The following SLC12A3 variants were observed in gnomAD, a reference collection of about 807,000 sequenced individuals.
The protein encoded by SLC12A3 is Na-Cl cotransporter.
A neutral mutation model predicts 121.0 loss-of-function variants in SLC12A3; 104 were observed. That is an observed-to-expected ratio of 0.86 (90% confidence interval 0.73 to 1.01). SLC12A3 has a LOEUF of 1.01. Among genes scored for constraint, SLC12A3 ranks in the 50% least tolerant of loss-of-function variants. The pLI, the probability that SLC12A3 is intolerant of heterozygous loss-of-function variation, is 0.00. For synonymous variants in SLC12A3, 536 were observed against 533.4 expected (o/e 1.00, Z -0.07); for missense variants, 1,328 against 1,356.3 (o/e 0.98, Z 0.33).
intron 25 of SLC12A3, chr16:56,906,451 C>G (rs1422576748): frequency 6.3e-6 from 1 of 158,448 alleles, no homozygotes; most frequent in African/African-American, 2.4e-5. Flanking sequence ...GAGACCTGAC[C>G]TGGAGGTTTC....
At position 56,865,231 on chromosome 16, in the gene SLC12A3, C is replaced by G; in HGVS notation, c.-5C>G. 3 of 1,613,362 alleles carry G rather than the reference C, an allele frequency of 1.9e-6. No homozygotes were observed. Among genetic ancestry groups the G allele is most frequent in the Non-Finnish European group, 2.5e-6 (3 of 1,179,934 alleles). On this transcript the variant is annotated 5_prime_UTR_variant, in exon 1 of 26. Coordinates refer to ENST00000563236, the MANE Select transcript of SLC12A3 (RefSeq NM_001126108.2). ...CCTGGCCCCTCCCTGGACACCCAGG[C>G]GACAATGGCAGAACTGCCCACAACA... is the stretch of plus-strand genomic sequence containing the variant.
At chr16:56,870,018 C>T (rs1171570511) in intron 4 of SLC12A3, 78 bp from the exon 5 acceptor site, 1 of 1,580,450 alleles carries the variant, frequency 6.3e-7, no homozygotes, top group African/African-American at 1.3e-5. Context: ...GCCACCCTCT[C>T]CTGGCCTCTG....
chr16:56,895,421 T>C (rs1313621003), intron 22 of SLC12A3, among the ~76,000 whole-genome samples: 2 of 150,942 alleles, frequency 1.3e-5, no homozygotes, highest in African/African-American at 2.4e-5. Flanking sequence ...CTCGAACTCC[T>C]GACCTCAAGT....
intron 20 of SLC12A3, 82 bp downstream of exon 20, chr16:56,892,215 G>A (rs1439404689): frequency 3.0e-6 from 4 of 1,334,120 alleles, no homozygotes; most frequent in Non-Finnish European, 4.3e-6. Context: ...GTGGCTAGGG[G>A]TGGGCCACTT....
intron 12 of SLC12A3, among the ~76,000 whole-genome samples, chr16:56,880,905 G>A (rs1292102035): frequency 1.3e-5 from 2 of 152,212 alleles, no homozygotes; most frequent in African/African-American, 4.8e-5. Flanking sequence ...TAACAGGTGT[G>A]TCTCAGATGG....
In SLC12A3 at chr16:56,880,278, G is replaced by A. The variant is rs1387017843; in HGVS notation, c.1567+25G>A. On this transcript the variant is annotated intron_variant, in intron 12 of 25. Coordinates refer to ENST00000563236, the MANE Select transcript of SLC12A3 (RefSeq NM_001126108.2). Reference sequence around the variant, plus strand: ...GGTAAGGCTCTGCCAGGGCTCACAGGGCCTGGCCTCCTGTTCCCCTGGCCG... The same window carrying A: ...GGTAAGGCTCTGCCAGGGCTCACAGAGCCTGGCCTCCTGTTCCCCTGGCCG... 4 of 1,563,494 alleles carry A rather than the reference G, an allele frequency of 2.6e-6. No homozygotes were observed. In the South Asian group the frequency reaches 4.7e-5, roughly 18 times the overall value.
At chr16:56,882,299 C>T (rs1168346772) in intron 12 of SLC12A3, 97 bp from the exon 13 acceptor site, 2 of 939,602 alleles carry the variant, frequency 2.1e-6, no homozygotes, top group Admixed American at 3.4e-5. Flanking sequence ...GCCTTGGTGG[C>T]CTGTCTGGGG....
chr16:56,908,161 C>CTTTTTTTT lies in SLC12A3; in HGVS notation c.2924+3711_2924+3718dup, dbSNP rs55644914. On this transcript the variant is annotated intron_variant, in intron 25 of 25. Coordinates refer to ENST00000563236, the MANE Select transcript of SLC12A3 (RefSeq NM_001126108.2). ...ATTCATTTCTCAGATAGTGATATAACTTTTTTTTTTTTTTTTTTTGAGGCA... is the reference window on the plus strand; with the variant it reads ...ATTCATTTCTCAGATAGTGATATAACTTTTTTTTTTTTTTTTTTTTTTTTTTTGAGGCA... Among the ~76,000 whole-genome samples the CTTTTTTTT allele has an allele frequency of 1.1e-3, 104 of 96,968 alleles. 5 individuals carry two copies. The highest frequency in any genetic ancestry group is 4.4e-3 in the African/African-American group (97 of 21,866). 63.6% of individuals were successfully genotyped at this position (96,968 alleles called of 152,430 possible). A position where few individuals can be genotyped will look rare whatever the true frequency, so the allele number is the denominator to read the frequency against.
intron 6 of SLC12A3, 132 bp from the exon 7 acceptor site, chr16:56,872,219 G>A: frequency 1.4e-6 from 1 of 701,548 alleles, no homozygotes. Context: ...AGATCCTGCT[G>A]CATAATGGGT....
At chr16:56,878,041 T>TCTCTCCCCCC in intron 8 of SLC12A3, 36 bp from the exon 9 acceptor site, 1 of 393,172 alleles carries the variant, frequency 2.5e-6, no homozygotes, top group South Asian at 2.1e-5. Context: ...CCTCTCTCCC[T>TCTCTCCCCCC]CCCTCCCTCC....
chr16:56,901,555 G>A (rs1451521716), intron 23 of SLC12A3, among the ~76,000 whole-genome samples: 1 of 152,096 alleles, frequency 6.6e-6, no homozygotes, highest in African/African-American at 2.4e-5. Flanking sequence ...GGCCAGGCTG[G>A]TCTCGAACTT....
In SLC12A3 at chr16:56,886,375, TG is replaced by T. The variant is rs1338849166; in HGVS notation, c.1939del (p.Val647CysfsTer25). The T allele has an allele frequency of 4.3e-6, 7 of 1,613,532 alleles. No homozygotes were observed. The highest frequency in any genetic ancestry group is 5.9e-6 in the Non-Finnish European group (7 of 1,179,628). ...CCTTCCCTCCTCAGCCCCCAGTGCC[TG>T]GTGCTCACGGGGCCCCCCAACTTCC... ...DHIKNYRPQC[L>X]VLTGPPNFRP... On this transcript the variant is annotated frameshift_variant, in exon 16 of 26. Transcript: ENST00000563236. LOFTEE classifies it high-confidence loss of function.
rs769798104 is a variant in SLC12A3 at position 56,913,298 on chromosome 16, A to AGCTC, written c.2963_2966dup (p.Tyr990AlafsTer50). On this transcript the variant is annotated frameshift_variant, in exon 26 of 26. Coordinates refer to ENST00000563236, the MANE Select transcript of SLC12A3 (RefSeq NM_001126108.2). LOFTEE classifies it high-confidence loss of function. ...CATAGGGAGGAAGGGGAAGTGCCCC[A>AGCTC]GCTCGCTGTACATGGCCTGGCTGGA... is the stretch of plus-strand genomic sequence containing the variant. The AGCTC allele has an allele frequency of 4.6e-5, 74 of 1,614,054 alleles. No individual in the cohort carries two copies. The highest frequency in any genetic ancestry group is 5.9e-5 in the Non-Finnish European group (70 of 1,180,032).
At chr16:56,877,472 C>T (rs1352174747) in intron 8 of SLC12A3, among the ~76,000 whole-genome samples, 5 of 152,018 alleles carry the variant, frequency 3.3e-5, no homozygotes, top group African/African-American at 7.3e-5. Context: ...TTTCTTAGAA[C>T]GGAAGGAGAA....
At chr16:56,879,349 G>T (rs770219004) in intron 10 of SLC12A3, 122 bp downstream of exon 10, 1 of 1,343,702 alleles carries the variant, frequency 7.4e-7, no homozygotes, top group Admixed American at 1.8e-5. Context: ...CTAGGCTTAG[G>T]AGAGAGGGGT....
chr16:56,902,224 T>C, intron 23 of SLC12A3, 149 bp from the exon 24 acceptor site: 1 of 989,434 alleles, frequency 1.0e-6, no homozygotes, highest in South Asian at 1.4e-5. Flanking sequence ...GAATTCAACA[T>C]GGAAGCCACT....
In SLC12A3 at chr16:56,865,469, G is replaced by GCC. The variant is rs780299444; in HGVS notation, c.237_238dup (p.Arg80ProfsTer35). 2.0e-5 allele frequency: 32 copies of GCC among 1,613,888 alleles called. No individual in the cohort carries two copies. The highest frequency in any genetic ancestry group is 3.3e-4 in the Middle Eastern group (2 of 6,084). On this transcript the variant is annotated frameshift_variant, in exon 1 of 26. Transcript: ENST00000563236. LOFTEE classifies it high-confidence loss of function. The stretch of plus-strand genomic sequence containing the variant: ...ATGCCAACAGCACCCAGCCTGGTGA[G>GCC]CCCCGGAAGGTCCGGCCCACACTGG...
At chr16:56,907,293 T>C (rs1433291065) in intron 25 of SLC12A3, among the ~76,000 whole-genome samples, 1 of 152,032 alleles carries the variant, frequency 6.6e-6, no homozygotes, top group East Asian at 1.9e-4. Context: ...CCACCTCTAC[T>C]AAAAATACAA....
Position 56,913,479 on chromosome 16 carries a change from C to T in SLC12A3, c.*74C>T, listed in dbSNP as rs1040803692. 151 of 1,412,988 alleles carry T rather than the reference C, an allele frequency of 1.1e-4. 1 individual carries two copies. In the South Asian group the frequency reaches 1.4e-3, roughly 13 times the overall value. 87.5% of individuals were successfully genotyped at this position (1,412,988 alleles called of 1,614,324 possible). A position where few individuals can be genotyped will look rare whatever the true frequency, so the allele number is the denominator to read the frequency against. Reference sequence around the variant, plus strand: ...TTGGAACTTGATTGCCTCTAGTCCACAGGGATGAGACTCATGTTCTGTTGC... The same window carrying T: ...TTGGAACTTGATTGCCTCTAGTCCATAGGGATGAGACTCATGTTCTGTTGC... On this transcript the variant is annotated 3_prime_UTR_variant, in exon 26 of 26. Transcript: ENST00000563236.
Sources: allele counts gnomAD v4.1 joint callset (sites outside exome capture counted in the v4.1 genomes callset), GRCh38; gene constraint gnomAD v4.1.1; transcripts MANE v1.5; gene names NCBI Gene and HGNC (gene_info 2026-07-23, HGNC 2026-07-21).